TRPT1: variants seen among roughly 807,000 people sequenced by gnomAD.
The protein encoded by TRPT1 is tRNA 2'-phosphotransferase 1.
A neutral mutation model predicts 28.4 loss-of-function variants in TRPT1; 22 were observed. The ratio of observed to expected loss-of-function variants is 0.78; its 90% CI spans 0.55 to 1.11. The LOEUF is 1.11. Among genes scored for constraint, TRPT1 ranks in the 50% least tolerant of loss-of-function variants. The pLI is 0.00. For missense variants in TRPT1, 308 were observed against 317.7 expected, an observed-to-expected ratio of 0.97 and a Z score of 0.23; for synonymous variants, 137 against 132.4, an observed-to-expected ratio of 1.03 and a Z score of -0.24.
At position 64,225,511 on chromosome 11, in the gene TRPT1, G is replaced by A. The variant is rs372711675; in HGVS notation, c.145C>T (p.Pro49Ser). Reference sequence around the variant, plus strand: ...GGCCCCTACTTACCAGCTCCCATGGGAAGCCCCAGCTTCAAGGCCCCATGG... The same window carrying A: ...GGCCCCTACTTACCAGCTCCCATGGAAAGCCCCAGCTTCAAGGCCCCATGG... ...LRHGALKLGL[P>S]MGADGFVPLG... The change falls in exon 3 of 8, where the codon CCC becomes TCC. Residue 49 changes from proline to serine, a missense_variant. By Grantham distance (74) the Pro-to-Ser change is moderately conservative (BLOSUM62 -1). Transcript: ENST00000317459. The A allele has an allele frequency of 1.2e-6, 2 of 1,613,016 alleles. No individual in the cohort carries two copies. The highest frequency in any genetic ancestry group is 1.7e-6 in the Non-Finnish European group (2 of 1,179,710).
chr11:64,224,593 G>C lies in TRPT1; in HGVS notation c.452C>G (p.Thr151Arg), dbSNP rs768814853. The C allele has an allele frequency of 6.3e-7, 1 of 1,595,378 alleles. No homozygotes were observed. Among genetic ancestry groups the C allele is most frequent in the African/African-American group, 1.3e-5 (1 of 74,720 alleles). ...CAGTCCTGGGGCCAGGTGAATGTGCGTCCTTCCCTGGCAGGACAGGCCTTT... is the reference window on the plus strand; with the variant it reads ...CAGTCCTGGGGCCAGGTGAATGTGCCTCCTTCCCTGGCAGGACAGGCCTTT... ...LLKGLSCQGRTHIHLAPGLPG... is the reference protein window; with the variant it reads ...LLKGLSCQGRRHIHLAPGLPG... Residue 151 changes from threonine to arginine, a missense_variant, in exon 5 of 8, where the codon ACG (threonine) becomes AGG (arginine). Transcript: ENST00000317459.
Position 64,223,985 on chromosome 11 carries a change from T to C in TRPT1, c.671-18A>G. 6.2e-7 allele frequency: 1 copy of C among 1,609,228 alleles called. No individual in the cohort carries two copies. The highest frequency in any genetic ancestry group is 8.5e-7 in the Non-Finnish European group (1 of 1,176,978). On this transcript the variant is annotated intron_variant, in intron 7 of 7. Transcript: ENST00000317459. Reference sequence around the variant, plus strand: ...GGGCTTTCCTGATAAAGACAAGAGTTGGTTAGAGAAAGGGACACCTAAGTC... The same window carrying C: ...GGGCTTTCCTGATAAAGACAAGAGTCGGTTAGAGAAAGGGACACCTAAGTC...
Position 64,225,817 on chromosome 11 carries a change from C to A in TRPT1, c.44G>T (p.Arg15Met), listed in dbSNP as rs765822180. 14 of 1,554,840 alleles carry A rather than the reference C, an allele frequency of 9.0e-6. No homozygotes were observed. Among genetic ancestry groups the A allele is most frequent in the Non-Finnish European group, 1.2e-5 (14 of 1,148,584 alleles). The change falls in exon 2 of 8, where the codon AGG becomes ATG. Residue 15 changes from arginine (R) to methionine (M), a missense_variant. Coordinates refer to ENST00000317459, the MANE Select transcript of TRPT1 (RefSeq NM_001033678.4). ...GGGRQEAAGS[R>M]GRRAPRPREQ... The stretch of plus-strand genomic sequence containing the variant: ...TCGGGGTCTGGGAGCCCTTCTACCC[C>A]TGGACCCTGCTGCTTCCTGCCTCCC...
At position 64,223,825 on chromosome 11, in the gene TRPT1, A is replaced by G; in HGVS notation, c.*51T>C. ...ACAGGATGATGAAACATGGTTTCAA[A>G]CGAGTTCTTTCTTGTTACTTTTTAA... On this transcript the variant is annotated 3_prime_UTR_variant, in exon 8 of 8. Transcript: ENST00000317459. 7.8e-7 allele frequency: 1 copy of G among 1,280,646 alleles called. No homozygotes were observed. The highest frequency in any genetic ancestry group is 1.1e-6 in the Non-Finnish European group (1 of 920,190). 79.3% of individuals were successfully genotyped at this position (1,280,646 alleles called of 1,614,324 possible).
In TRPT1 at chr11:64,224,737, T is replaced by C. The variant is rs1946865530; in HGVS notation, c.328-20A>G. On this transcript the variant is annotated intron_variant, in intron 4 of 7. Coordinates refer to ENST00000317459, the MANE Select transcript of TRPT1 (RefSeq NM_001033678.4). ...AGGTACCTGGTTGAACGGGTAGCAG[T>C]GAGACCCCCTTCGCAGGCAGGGGTC... 1.2e-6 allele frequency: 2 copies of C among 1,602,528 alleles called. No homozygotes were observed. Among genetic ancestry groups the C allele is most frequent in the Non-Finnish European group, 1.7e-6 (2 of 1,172,396 alleles).
chr11:64,226,143 C>A lies in TRPT1; in HGVS notation c.-103G>T. The A allele has an allele frequency of 2.3e-6, 1 of 441,768 alleles. No homozygotes were observed. The highest frequency in any genetic ancestry group is 4.0e-6 in the Non-Finnish European group (1 of 250,278). 27.4% of individuals were successfully genotyped at this position (441,768 alleles called of 1,614,324 possible). On this transcript the variant is annotated 5_prime_UTR_variant, in exon 1 of 8. Coordinates refer to ENST00000317459, the MANE Select transcript of TRPT1 (RefSeq NM_001033678.4). ...CGCAGGGTGGTCCGGGAGGCAGGGC[C>A]GACGTGCCGACGGACCGGGCGGAAG...
In TRPT1 at chr11:64,224,092, G is replaced by T. The variant is rs747477193; in HGVS notation, c.670+8C>A. The T allele has an allele frequency of 6.2e-7, 1 of 1,605,452 alleles. No individual in the cohort carries two copies. The highest frequency in any genetic ancestry group is 1.1e-5 in the South Asian group (1 of 90,492). On this transcript the variant is annotated splice_region_variant and intron_variant, in intron 7 of 7. Transcript: ENST00000317459. ...ACAAGGAATAGGGGCTGGGGTGGTGGTTCTCACGGGTAGGGCGTAGCTGCA... is the reference window on the plus strand; with the variant it reads ...ACAAGGAATAGGGGCTGGGGTGGTGTTTCTCACGGGTAGGGCGTAGCTGCA...
intron 3 of TRPT1, 196 bp from the exon 4 acceptor site, chr11:64,225,166 G>T: frequency 1.5e-6 from 1 of 667,034 alleles, no homozygotes; most frequent in Non-Finnish European, 2.5e-6. Context: ...CTCACGGAGG[G>T]GCAGGGAGGT....
intron 3 of TRPT1, chr11:64,225,244 C>A: frequency 1.6e-6 from 1 of 609,084 alleles, no homozygotes; most frequent in Non-Finnish European, 2.9e-6. Context: ...TCCTCCAGGG[C>A]TCGCCCTCGG....
rs1946944608 is a variant in TRPT1 at position 64,225,490 on chromosome 11, C to T, written c.157+9G>A. 6 of 1,611,266 alleles carry T rather than the reference C, an allele frequency of 3.7e-6. No homozygotes were observed. The highest frequency in any genetic ancestry group is 4.2e-6 in the Non-Finnish European group (5 of 1,178,674). On this transcript the variant is annotated intron_variant, in intron 3 of 7. Coordinates refer to ENST00000317459, the MANE Select transcript of TRPT1 (RefSeq NM_001033678.4). ...GGCTCAAGCCCCAGCCTCCAAGGCC[C>T]CTACTTACCAGCTCCCATGGGAAGC...
chr11:64,224,588 T>C lies in TRPT1; in HGVS notation c.457A>G (p.Ile153Val). The change falls in exon 5 of 8, where the codon ATT (isoleucine) becomes GTT (valine). Residue 153 changes from isoleucine (I) to valine (V), a missense_variant. Ile to Val is a conservative substitution (Grantham distance 29). Coordinates refer to ENST00000317459, the MANE Select transcript of TRPT1 (RefSeq NM_001033678.4). Reference sequence around the variant, plus strand: ...CCAGGCAGTCCTGGGGCCAGGTGAATGTGCGTCCTTCCCTGGCAGGACAGG... The same window carrying C: ...CCAGGCAGTCCTGGGGCCAGGTGAACGTGCGTCCTTCCCTGGCAGGACAGG... The part of the protein sequence containing the change: ...KGLSCQGRTH[I>V]HLAPGLPGDP... The C allele has an allele frequency of 6.3e-7, 1 of 1,591,650 alleles. No homozygotes were observed. Among genetic ancestry groups the C allele is most frequent in the Non-Finnish European group, 8.6e-7 (1 of 1,167,872 alleles).
At position 64,226,186 on chromosome 11, in the gene TRPT1, C is replaced by T; in HGVS notation, c.-146G>A. 2.6e-6 allele frequency: 1 copy of T among 391,054 alleles called. No homozygotes were observed. Among genetic ancestry groups the T allele is most frequent in the Non-Finnish European group, 4.5e-6 (1 of 222,034 alleles). 24.2% of individuals were successfully genotyped at this position (391,054 alleles called of 1,614,324 possible). A position where few individuals can be genotyped will look rare whatever the true frequency, so the allele number is the denominator to read the frequency against. ...GGCGGAAGCGTCGGGGCGGCGGGGA[C>T]AAACCTCCAGGATCCTCGACCGCGG... On this transcript the variant is annotated 5_prime_UTR_variant, in exon 1 of 8. Coordinates refer to ENST00000317459, the MANE Select transcript of TRPT1 (RefSeq NM_001033678.4).
At position 64,224,562 on chromosome 11, in the gene TRPT1, TC is replaced by T; in HGVS notation, c.482del (p.Gly161GlufsTer15). The T allele has an allele frequency of 6.4e-7, 1 of 1,570,866 alleles. No homozygotes were observed. Among genetic ancestry groups the T allele is most frequent in the Non-Finnish European group, 8.6e-7 (1 of 1,156,742 alleles). ...ACTGACCACTGATGATACCGGGGTC[TC>T]CAGGCAGTCCTGGGGCCAGGTGAAT... ...THIHLAPGLP[G>X]DPGIISGMRS... On this transcript the variant is annotated frameshift_variant, in exon 5 of 8. Coordinates refer to ENST00000317459, the MANE Select transcript of TRPT1 (RefSeq NM_001033678.4). LOFTEE classifies it high-confidence loss of function.
At chr11:64,225,141 A>C in intron 3 of TRPT1, 171 bp from the exon 4 acceptor site, 1 of 742,896 alleles carries the variant, frequency 1.3e-6, no homozygotes, top group Non-Finnish European at 2.1e-6. Context: ...CAACTTACAT[A>C]AAAAGAGGAT....
At chr11:64,225,105 C>T in intron 3 of TRPT1, 135 bp from the exon 4 acceptor site, 2 of 1,012,626 alleles carry the variant, frequency 2.0e-6, no homozygotes, top group African/African-American at 1.6e-5. Flanking sequence ...TTTAGAAAGT[C>T]TCCCCTTTCT....
At position 64,224,842 on chromosome 11, in the gene TRPT1, TGCTGGGATCCCCCAGCTGCAGGGCGAACC is replaced by T; in HGVS notation, c.257_285del (p.Arg86HisfsTer17). ...TGGTTGGCCCGGATGAGAAGGCCAG[TGCTGGGATCCCCCAGCTGCAGGGCGAACC>T]GCTGCTTCCTATTGGTGTCCACCAC... On this transcript the variant is annotated frameshift_variant, in exon 4 of 8. Coordinates refer to ENST00000317459, the MANE Select transcript of TRPT1 (RefSeq NM_001033678.4). LOFTEE classifies it high-confidence loss of function. 1 of 1,613,634 alleles carries T rather than the reference TGCTGGGATCCCCCAGCTGCAGGGCGAACC, an allele frequency of 6.2e-7. No homozygotes were observed. The highest frequency in any genetic ancestry group is 1.1e-5 in the South Asian group (1 of 91,060).
In TRPT1 at chr11:64,225,828, T is replaced by G; in HGVS notation, c.33A>C (p.Ala11=). Residue 11 remains alanine (A), a synonymous_variant, in exon 2 of 8, where the codon GCA becomes GCC. Coordinates refer to ENST00000317459, the MANE Select transcript of TRPT1 (RefSeq NM_001033678.4). MNFSGGGRQE[A]AGSRGRRAPR... ...GAGCCCTTCTACCCCTGGACCCTGC[T>G]GCTTCCTGCCTCCCTCCTCCAGAGA... 1 of 1,555,554 alleles carries G rather than the reference T, an allele frequency of 6.4e-7. No individual in the cohort carries two copies. The highest frequency in any genetic ancestry group is 1.2e-5 in the South Asian group (1 of 84,390).
intron 1 of TRPT1, 23 bp from the exon 2 acceptor site, chr11:64,225,892 G>A (rs1192108477): frequency 2.8e-6 from 4 of 1,430,270 alleles, no homozygotes; most frequent in Non-Finnish European, 2.9e-6. Flanking sequence ...GTGACGAGGG[G>A]GGACTGCTTT....
rs747538530 is a variant in TRPT1 at position 64,224,727 on chromosome 11, C to T, written c.328-10G>A. On this transcript the variant is annotated splice_polypyrimidine_tract_variant and intron_variant, in intron 4 of 7. Coordinates refer to ENST00000317459, the MANE Select transcript of TRPT1 (RefSeq NM_001033678.4). ...GCTCCAACTTAGGTACCTGGTTGAA[C>T]GGGTAGCAGTGAGACCCCCTTCGCA... is the stretch of plus-strand genomic sequence containing the variant. The T allele has an allele frequency of 7.5e-6, 12 of 1,597,982 alleles. No individual in the cohort carries two copies. Among genetic ancestry groups the T allele is most frequent in the African/African-American group, 4.0e-5 (3 of 74,836 alleles).
Sources: gnomAD v4.1 joint callset for allele counts on GRCh38, gnomAD v4.1.1 for gene constraint, MANE v1.5 for transcripts, NCBI Gene and HGNC (gene_info 2026-07-23, HGNC 2026-07-21) for gene names.